Variants in DGLUCY observed in about 807,000 individuals in gnomAD.
DGLUCY encodes the protein D-glutamate cyclase, also known as D-glutamate cyclase, mitochondrial.
DGLUCY carries 58 observed loss-of-function variants against 58.5 expected under a neutral mutation model. That is an observed-to-expected ratio of 0.99 (90% CI 0.80 to 1.23). DGLUCY has a LOEUF of 1.23. DGLUCY is among the 50% of genes most tolerant of loss of function. The probability of loss-of-function intolerance (pLI) is 0.00; values close to 1 mark genes in which losing one functional copy is unlikely to be tolerated. For synonymous variants in DGLUCY, 325 were observed against 314.1 expected (o/e 1.03, Z -0.37); for missense variants, 779 against 784.7 (o/e 0.99, Z 0.09).
intron 7 of DGLUCY, among the ~76,000 whole-genome samples, chr14:91,176,432 G>T (rs1242050000): frequency 6.6e-6 from 1 of 152,048 alleles, no homozygotes; most frequent in Non-Finnish European, 1.5e-5. Flanking sequence ...CACCATGTTG[G>T]CCAGGATGGT....
At chr14:91,121,693 TCTC>T (rs2045376937) in intron 1 of DGLUCY, among the ~76,000 whole-genome samples, 3 of 151,702 alleles carry the variant, frequency 2.0e-5, no homozygotes, top group Admixed American at 1.3e-4. Flanking sequence ...AGTGAAGGCT[TCTC>T]CTACTTCCCC....
At chr14:91,129,742 G>T (rs896792326) in intron 1 of DGLUCY, among the ~76,000 whole-genome samples, 1 of 151,980 alleles carries the variant, frequency 6.6e-6, no homozygotes, top group East Asian at 1.9e-4. Flanking sequence ...TGCCTTCCGG[G>T]TTCAAGCGAT....
intron 12 of DGLUCY, among the ~76,000 whole-genome samples, chr14:91,214,575 G>A (rs892770927): frequency 2.0e-5 from 3 of 152,254 alleles, no homozygotes; most frequent in Non-Finnish European, 4.4e-5. Flanking sequence ...TTCATGTTGA[G>A]TGTTTTGGAA....
intron 1 of DGLUCY, among the ~76,000 whole-genome samples, chr14:91,144,464 A>G (rs933684565): frequency 6.6e-6 from 1 of 152,090 alleles, no homozygotes; most frequent in African/African-American, 2.4e-5. Flanking sequence ...GGAGGCTGAG[A>G]CAAGAGAATT....
intron 1 of DGLUCY, chr14:91,125,414 A>G (rs1334488830): frequency 6.6e-6 from 1 of 152,184 alleles, no homozygotes; most frequent in Non-Finnish European, 1.5e-5. Context: ...ATCTGTGTTT[A>G]GGTAAGGTTG....
chr14:91,200,235 G>A (rs550698863), intron 11 of DGLUCY, among the ~76,000 whole-genome samples: 105 of 152,272 alleles, frequency 6.9e-4, no homozygotes, highest in Non-Finnish European at 1.2e-4. Flanking sequence ...GATTACAGGC[G>A]TGAGCCACTG....
In DGLUCY at chr14:91,196,470, CCTAGGTA is replaced by C; in HGVS notation, c.1293_1295+4del. On this transcript the variant is annotated splice_donor_variant and splice_donor_region_variant and coding_sequence_variant and intron_variant, in exon 10 of 14. Transcript: ENST00000256324. LOFTEE classifies it high-confidence loss of function. ...GTGCAAAAATGGGGACCCGCAGACACCTAGGTACGTATGTCGCATCCCAGTTTAAGTG... is the reference window on the plus strand; with the variant it reads ...GTGCAAAAATGGGGACCCGCAGACACCGTATGTCGCATCCCAGTTTAAGTG... The C allele has an allele frequency of 6.2e-7, 1 of 1,613,628 alleles. No homozygotes were observed. The highest frequency in any genetic ancestry group is 1.1e-5 in the South Asian group (1 of 91,030).
chr14:91,107,810 G>T (rs1261754326), upstream of DGLUCY, among the ~76,000 whole-genome samples: 1 of 152,134 alleles, frequency 6.6e-6, no homozygotes. Flanking sequence ...CCAGAGGGAT[G>T]AGGAGCTGGC....
chr14:91,115,886 C>A (rs1172783411), intron 1 of DGLUCY, among the ~76,000 whole-genome samples: 1 of 152,222 alleles, frequency 6.6e-6, no homozygotes, highest in Non-Finnish European at 1.5e-5. Context: ...GGCGCTGTAG[C>A]TGCTGGTTTG....
intron 1 of DGLUCY, among the ~76,000 whole-genome samples, chr14:91,099,270 T>G (rs1026959390): frequency 1.3e-5 from 2 of 152,164 alleles, no homozygotes; most frequent in Non-Finnish European, 2.9e-5. Context: ...CGGTGACTCA[T>G]GCCTATAATC....
chr14:91,075,585 T>C (rs2044006418), intron 1 of DGLUCY, among the ~76,000 whole-genome samples: 1 of 152,226 alleles, frequency 6.6e-6, no homozygotes, highest in Non-Finnish European at 1.5e-5. Flanking sequence ...CCAGGGTTGT[T>C]GTTTTATTTT....
At chr14:91,204,319 A>G (rs2050746919) in intron 11 of DGLUCY, among the ~76,000 whole-genome samples, 1 of 152,214 alleles carries the variant, frequency 6.6e-6, no homozygotes, top group African/African-American at 2.4e-5. Flanking sequence ...CTTTAAAGTA[A>G]GTTCTAGAAC....
At chr14:91,197,242 C>T (rs2050273958) in intron 10 of DGLUCY, among the ~76,000 whole-genome samples, 2 of 152,234 alleles carry the variant, frequency 1.3e-5, no homozygotes, top group Admixed American at 6.5e-5. Context: ...GCCAGGATTA[C>T]AGGCATGAGC....
intron 1 of DGLUCY, among the ~76,000 whole-genome samples, chr14:91,083,305 T>C (rs1306406768): frequency 6.6e-6 from 1 of 152,142 alleles, no homozygotes; most frequent in East Asian, 1.9e-4. Context: ...GTGGATCACC[T>C]GAGGTCAGGA....
chr14:91,075,752 T>C (rs919809420), intron 1 of DGLUCY, among the ~76,000 whole-genome samples: 1 of 152,126 alleles, frequency 6.6e-6, no homozygotes, highest in Non-Finnish European at 1.5e-5. Flanking sequence ...CCCGGGTGGT[T>C]CATTTCCTTA....
chr14:91,144,886 A>G (rs2046931299), intron 1 of DGLUCY, among the ~76,000 whole-genome samples: 1 of 152,102 alleles, frequency 6.6e-6, no homozygotes, highest in African/African-American at 2.4e-5. Flanking sequence ...GTTGTGAGAA[A>G]TGGAGCATTT....
At chr14:91,221,034 T>G (rs1887399559) in intron 13 of DGLUCY, among the ~76,000 whole-genome samples, 1 of 152,212 alleles carries the variant, frequency 6.6e-6, no homozygotes, top group Admixed American at 6.5e-5. Flanking sequence ...CAGCTGGGCC[T>G]GTTTTGCATC....
upstream of DGLUCY, among the ~76,000 whole-genome samples, chr14:91,110,430 CTTTTTTTTTT>C: frequency 1.1e-5 from 1 of 88,062 alleles, no homozygotes; most frequent in African/African-American, 4.3e-5. Flanking sequence ...TTCTTTCTTT[CTTTTTTTTTT>C]TTTTTTTTTG....
chr14:91,102,330 G>A (rs901043308), intron 1 of DGLUCY, among the ~76,000 whole-genome samples: 1 of 152,082 alleles, frequency 6.6e-6, no homozygotes, highest in African/African-American at 2.4e-5. Flanking sequence ...TCCAGTATTA[G>A]GGTGAATTTA....
Sources: gnomAD v4.1 joint callset for allele counts (sites outside exome capture counted in the v4.1 genomes callset) on GRCh38, gnomAD v4.1.1 for gene constraint, MANE v1.5 for transcripts, NCBI Gene and HGNC (gene_info 2026-07-23, HGNC 2026-07-21) for gene names.